Variants in FAM210A observed in about 807,000 individuals in gnomAD.
FAM210A encodes family with sequence similarity 210 member A.
In FAM210A, 13 loss-of-function variants were observed where a neutral mutation model predicts 25.3. The observed-to-expected ratio is 0.51, with a 90% CI of 0.33 to 0.82. FAM210A has a LOEUF of 0.82. FAM210A is among the 40% of genes least tolerant of loss of function. The probability of loss-of-function intolerance (pLI) is 0.02; values close to 1 mark genes in which losing one functional copy is unlikely to be tolerated. For synonymous variants in FAM210A, 125 were observed against 118.7 expected, an observed-to-expected ratio of 1.05 and a Z score of -0.35; for missense variants, 319 against 323.2, an observed-to-expected ratio of 0.99 and a Z score of 0.10.
chr18:13,683,923 A>G (rs1181558992), intron 1 of FAM210A, among the ~76,000 whole-genome samples: 2 of 152,220 alleles, frequency 1.3e-5, no homozygotes, highest in Non-Finnish European at 2.9e-5. Flanking sequence ...TCATCATATA[A>G]AAACATTCAT....
chr18:13,713,996 G>T (rs1423230989), intron 1 of FAM210A, among the ~76,000 whole-genome samples: 1 of 152,006 alleles, frequency 6.6e-6, no homozygotes, highest in Non-Finnish European at 1.5e-5. Context: ...ACGAACCAGG[G>T]GATTTTCTTC....
In FAM210A at chr18:13,673,131, T is replaced by G. The variant is rs12454923; in HGVS notation, c.474-1158A>C. Among the ~76,000 whole-genome samples, 254 of 151,558 alleles carry G rather than the reference T, an allele frequency of 1.7e-3. 2 individuals are homozygous for G. In the Middle Eastern group the frequency reaches 0.027, roughly 16 times the overall value. The stretch of plus-strand genomic sequence containing the variant: ...GTCTTGAGCCATGACTTATTTCCAG[T>G]TTCCTTATTAACCTTCCTGAGCCCC... On this transcript the variant is annotated intron_variant, in intron 2 of 3. Coordinates refer to ENST00000651643, the MANE Select transcript of FAM210A (RefSeq NM_152352.4).
At chr18:13,677,629 T>G (rs1226586967) in intron 2 of FAM210A, among the ~76,000 whole-genome samples, 1 of 152,176 alleles carries the variant, frequency 6.6e-6, no homozygotes, top group Non-Finnish European at 1.5e-5. Flanking sequence ...GCTTGTGGAC[T>G]TCATTTCTGC....
At chr18:13,691,343 TCGA>T (rs1360358732) in intron 1 of FAM210A, among the ~76,000 whole-genome samples, 6 of 152,192 alleles carry the variant, frequency 3.9e-5, no homozygotes, top group African/African-American at 7.2e-5. Flanking sequence ...CAGGATATTA[TCGA>T]GGAGAACTTC....
intron 1 of FAM210A, among the ~76,000 whole-genome samples, chr18:13,705,434 T>C (rs988988672): frequency 2.6e-5 from 4 of 152,182 alleles, no homozygotes; most frequent in Non-Finnish European, 5.9e-5. Flanking sequence ...ATAATTCAAA[T>C]TAAATATATT....
chr18:13,704,912 T>C (rs1240549156), intron 1 of FAM210A, among the ~76,000 whole-genome samples: 4 of 152,192 alleles, frequency 2.6e-5, no homozygotes, highest in East Asian at 1.9e-4. Context: ...CTTAATGCGG[T>C]TTCTAAAAAC....
intron 1 of FAM210A, among the ~76,000 whole-genome samples, chr18:13,703,643 A>G (rs1261659537): frequency 6.6e-6 from 1 of 152,206 alleles, no homozygotes; most frequent in Non-Finnish European, 1.5e-5. Flanking sequence ...ACTAGGAAAT[A>G]AAAAAATCTT....
intron 1 of FAM210A, among the ~76,000 whole-genome samples, chr18:13,720,428 T>A (rs1568490730): frequency 6.6e-6 from 1 of 152,154 alleles, no homozygotes; most frequent in Non-Finnish European, 1.5e-5. Context: ...GAATTTGTCA[T>A]CTCCAAAATC....
chr18:13,714,101 C>T (rs1342008128), intron 1 of FAM210A, among the ~76,000 whole-genome samples: 1 of 152,168 alleles, frequency 6.6e-6, no homozygotes, highest in Non-Finnish European at 1.5e-5. Context: ...AAAGGGTGGA[C>T]ATTACACAGA....
intron 1 of FAM210A, among the ~76,000 whole-genome samples, chr18:13,707,334 A>G (rs1045768112): frequency 6.6e-6 from 1 of 152,232 alleles, no homozygotes; most frequent in Non-Finnish European, 1.5e-5. Context: ...ACAAAAGTGG[A>G]GCCACTCCTG....
At chr18:13,706,510 A>C (rs2043779212) in intron 1 of FAM210A, among the ~76,000 whole-genome samples, 1 of 152,248 alleles carries the variant, frequency 6.6e-6, no homozygotes, top group South Asian at 2.1e-4. Flanking sequence ...GTTGCCTCAT[A>C]ATCAGTCAGA....
chr18:13,713,010 T>C (rs571805293), intron 1 of FAM210A, among the ~76,000 whole-genome samples: 23 of 152,336 alleles, frequency 1.5e-4, no homozygotes, highest in African/African-American at 5.5e-4. Flanking sequence ...GCTCTATCTT[T>C]CGTTGTTACA....
intron 1 of FAM210A, among the ~76,000 whole-genome samples, chr18:13,689,502 C>A (rs2043624718): frequency 6.6e-6 from 1 of 152,126 alleles, no homozygotes; most frequent in South Asian, 2.1e-4. Flanking sequence ...ACTTCTTCAA[C>A]CTGATAAAGA....
chr18:13,716,105 T>A (rs1026834138), intron 1 of FAM210A, among the ~76,000 whole-genome samples: 1 of 152,190 alleles, frequency 6.6e-6, no homozygotes, highest in African/African-American at 2.4e-5. Flanking sequence ...TACAATACAA[T>A]AGTAACAAGT....
intron 1 of FAM210A, among the ~76,000 whole-genome samples, chr18:13,720,605 G>A (rs954384724): frequency 1.3e-5 from 2 of 152,142 alleles, no homozygotes; most frequent in African/African-American, 4.8e-5. Context: ...TAGAGTAGTT[G>A]TTTCTTCTTG....
intron 2 of FAM210A, among the ~76,000 whole-genome samples, chr18:13,677,069 A>ATTTTTTTTT (rs59935007): frequency 7.3e-6 from 1 of 137,194 alleles, no homozygotes; most frequent in Non-Finnish European, 1.6e-5. Context: ...CTGTCCCTCT[A>ATTTTTTTTT]TTTTTTTTTT....
At chr18:13,721,428 T>C (rs753540104) in intron 1 of FAM210A, among the ~76,000 whole-genome samples, 2 of 152,302 alleles carry the variant, frequency 1.3e-5, no homozygotes, top group South Asian at 2.1e-4. Flanking sequence ...ATCTGTTTTC[T>C]GCACAGGCCA....
In FAM210A at chr18:13,684,916, C is replaced by G. The variant is rs531229635; in HGVS notation, c.-28-2811G>C. On this transcript the variant is annotated intron_variant, in intron 1 of 3. Coordinates refer to ENST00000651643, the MANE Select transcript of FAM210A (RefSeq NM_152352.4). ...AACATAAAGATAGCCGGGAACTCCCCCCACTCCCAATTATGTGGAATTTAA... is the reference window on the plus strand; with the variant it reads ...AACATAAAGATAGCCGGGAACTCCCGCCACTCCCAATTATGTGGAATTTAA... 5.9e-5 allele frequency among the ~76,000 whole-genome samples: 9 copies of G among 152,208 alleles called. 1 individual carries two copies. The South Asian group carries it at 1.7e-3, about 28-fold the overall frequency.
chr18:13,725,734 C>T (rs1406251093), intron 1 of FAM210A, among the ~76,000 whole-genome samples: 1 of 152,172 alleles, frequency 6.6e-6, no homozygotes, highest in Non-Finnish European at 1.5e-5. Context: ...ACAGTAGGCG[C>T]TTTCACTCCC....
Sources: gnomAD v4.1 joint callset for allele counts (sites outside exome capture counted in the v4.1 genomes callset) on GRCh38, gnomAD v4.1.1 for gene constraint, MANE v1.5 for transcripts, NCBI Gene and HGNC (gene_info 2026-07-23, HGNC 2026-07-21) for gene names.